Variants in ATP13A3 observed in about 807,000 individuals in gnomAD.
The protein encoded by ATP13A3 is polyamine-transporting ATPase 13A3.
Under a neutral mutation model 158.1 loss-of-function variants are expected in ATP13A3, and 59 were observed. That is an observed-to-expected ratio of 0.37 (90% CI 0.30 to 0.46). The LOEUF (loss-of-function observed/expected upper bound fraction) is 0.46. Among genes scored for constraint, ATP13A3 ranks in the 20% least tolerant of loss-of-function variants. The pLI is 1.00. For missense variants in ATP13A3, 1,166 were observed against 1,525.2 expected, an observed-to-expected ratio of 0.76 and a Z score of 3.92; for synonymous variants, 491 against 504.3, an observed-to-expected ratio of 0.97 and a Z score of 0.35.
chr3:194,411,263 C>T (rs532805616), intron 33 of ATP13A3, among the ~76,000 whole-genome samples: 91 of 152,024 alleles, frequency 6.0e-4, no homozygotes, highest in Non-Finnish European at 1.1e-3. Flanking sequence ...AGTGGGTAAC[C>T]CAACTCAAAA....
At chr3:194,437,662 A>C in intron 17 of ATP13A3, 89 bp from the exon 18 acceptor site, 2 of 1,292,404 alleles carry the variant, frequency 1.5e-6, no homozygotes, top group Non-Finnish European at 2.1e-6. Flanking sequence ...CATCCACAAA[A>C]CATTATTTGG....
chr3:194,462,285 T>TAG, intron 2 of ATP13A3, 49 bp from the exon 3 acceptor site: 1 of 1,239,622 alleles, frequency 8.1e-7, no homozygotes, highest in Non-Finnish European at 1.2e-6. Flanking sequence ...TCTATCTTAG[T>TAG]AGACGATACA....
chr3:194,439,882 T>C (rs1717921490), intron 16 of ATP13A3, among the ~76,000 whole-genome samples: 2 of 152,298 alleles, frequency 1.3e-5, no homozygotes, highest in South Asian at 4.2e-4. Context: ...ATCTATTCAG[T>C]TGGAGAAAAG....
In ATP13A3 at chr3:194,419,873, T is replaced by A; in HGVS notation, c.3402+6A>T. ...TCCCCAAACAAATGATGTGCTTAAG[T>A]CTTACCTGAAGAACCTGGTCAACAG... On this transcript the variant is annotated splice_donor_region_variant and intron_variant, in intron 31 of 33. Transcript: ENST00000645319. 1 of 1,562,512 alleles carries A rather than the reference T, an allele frequency of 6.4e-7. No homozygotes were observed. Among genetic ancestry groups the A allele is most frequent in the Non-Finnish European group, 8.6e-7 (1 of 1,165,874 alleles).
Position 194,494,316 on chromosome 3 carries a change from A to G in ATP13A3, n.516-36T>C. The G allele has an allele frequency of 2.5e-6, 1 of 398,474 alleles. No individual in the cohort carries two copies. The allele number at this position is 398,474 out of a possible 1,614,324, so 24.7% of individuals were successfully genotyped here. On this transcript the variant is annotated intron_variant and non_coding_transcript_variant, in intron 1 of 32. Transcript: ENST00000687055. The surrounding 1 kb of genome is among the most constrained non-coding windows in gnomAD (Gnocchi z 4.2). ...GGAGAACAAGTTAACATTGATTTTC[A>G]CAACCACGATGTCAGACTAGCAATG... is the stretch of plus-strand genomic sequence containing the variant.
At chr3:194,425,283 T>C in intron 30 of ATP13A3, 59 bp downstream of exon 30, 1 of 1,431,256 alleles carries the variant, frequency 7.0e-7, no homozygotes, top group Admixed American at 1.9e-5. Flanking sequence ...AATTATTCTC[T>C]TCTACATTAG....
At chr3:194,439,001 CA>C (rs1230243558) in intron 16 of ATP13A3, 29 bp from the exon 17 acceptor site, 2 of 1,397,296 alleles carry the variant, frequency 1.4e-6, no homozygotes, top group Non-Finnish European at 2.0e-6. Flanking sequence ...CAAAAAAAAA[CA>C]AAAACACAAC....
At chr3:194,436,797 G>A (rs969440936) in intron 20 of ATP13A3, among the ~76,000 whole-genome samples, 7 of 152,204 alleles carry the variant, frequency 4.6e-5, no homozygotes, top group African/African-American at 9.6e-5. Flanking sequence ...GCAGTGACCC[G>A]AGACTTGCGC....
In ATP13A3 at chr3:194,433,796, T is replaced by G. The variant is rs760702960; in HGVS notation, c.2221A>C (p.Asn741His). Residue 741 changes from asparagine to histidine, a missense_variant, in exon 21 of 34, where the codon AAC becomes CAC. By Grantham distance (68) the Asn-to-His change is moderately conservative (BLOSUM62 1). Coordinates refer to ENST00000645319, the MANE Select transcript of ATP13A3 (RefSeq NM_001367549.1). ...CCTGTGACCATGACGGTGCGAATGTTGGCTTTATGCAAATCTTCAAGTACT... is the reference window on the plus strand; with the variant it reads ...CCTGTGACCATGACGGTGCGAATGTGGGCTTTATGCAAATCTTCAAGTACT... ...PAVLEDLHKANIRTVMVTGDS... is the reference protein window; with the variant it reads ...PAVLEDLHKAHIRTVMVTGDS... The G allele has an allele frequency of 6.2e-7, 1 of 1,614,034 alleles. No individual in the cohort carries two copies. Among genetic ancestry groups the G allele is most frequent in the Non-Finnish European group, 8.5e-7 (1 of 1,180,014 alleles).
intron 33 of ATP13A3, among the ~76,000 whole-genome samples, chr3:194,409,847 T>G (rs1715227491): frequency 6.6e-6 from 1 of 151,724 alleles, no homozygotes; most frequent in African/African-American, 2.4e-5. Flanking sequence ...GGTAATATGA[T>G]TAACTAAAGA....
chr3:194,437,036 T>G lies in ATP13A3; in HGVS notation c.2120+59A>C, dbSNP rs959253073. 3 of 1,555,846 alleles carry G rather than the reference T, an allele frequency of 1.9e-6. No individual in the cohort carries two copies. The African/African-American group carries it at 4.1e-5, about 21-fold the overall frequency. ...TCAATTACATGCAAATTACTGTGCATGACTAATATAACCATAAATGATGAT... is the reference window on the plus strand; with the variant it reads ...TCAATTACATGCAAATTACTGTGCAGGACTAATATAACCATAAATGATGAT... On this transcript the variant is annotated intron_variant, in intron 20 of 33. Transcript: ENST00000645319.
At chr3:194,408,593 C>A (rs1362050227) in intron 33 of ATP13A3, among the ~76,000 whole-genome samples, 1 of 152,114 alleles carries the variant, frequency 6.6e-6, no homozygotes, top group Non-Finnish European at 1.5e-5. Context: ...GAATAGGATT[C>A]TTTTTATGCA....
intron 2 of ATP13A3, among the ~76,000 whole-genome samples, chr3:194,493,159 AT>A (rs1349374287): frequency 1.3e-5 from 2 of 150,366 alleles, no homozygotes; most frequent in Non-Finnish European, 3.0e-5. Context: ...AAAATCCCCC[AT>A]CCCCACCCAA....
chr3:194,494,111 T>G lies in ATP13A3; in HGVS notation n.685A>C, dbSNP rs1721177982. The G allele has an allele frequency of 2.5e-6, 1 of 398,574 alleles. No individual in the cohort carries two copies. The highest frequency in any genetic ancestry group is 4.4e-6 in the Non-Finnish European group (1 of 226,066). The allele number at this position is 398,574 out of a possible 1,614,324, so 24.7% of individuals were successfully genotyped here. On this transcript the variant is annotated non_coding_transcript_exon_variant, in exon 2 of 33. Coordinates refer to the ATP13A3 transcript ENST00000687055. The surrounding 1 kb of genome is among the most constrained non-coding windows in gnomAD (Gnocchi z 4.2). ...GCTCCAGGGCCAAACTCTTGACCAC[T>G]ATAACCAAATGAAGCCAGAGTGATT...
chr3:194,486,533 C>T (rs553363593), intron 1 of ATP13A3, 33 bp downstream of exon 1: 91 of 152,464 alleles, frequency 6.0e-4, no homozygotes, highest in South Asian at 5.5e-3. Flanking sequence ...CCTCCCCCGG[C>T]GCCGCTGCCC....
chr3:194,493,386 C>T (rs1030816093), intron 2 of ATP13A3, among the ~76,000 whole-genome samples: 2 of 152,200 alleles, frequency 1.3e-5, no homozygotes, highest in Admixed American at 1.3e-4. Flanking sequence ...ACGGCTCACC[C>T]CTGTAATCCC....
intron 33 of ATP13A3, among the ~76,000 whole-genome samples, chr3:194,408,154 G>A (rs920433332): frequency 4.6e-5 from 7 of 151,926 alleles, no homozygotes; most frequent in African/African-American, 1.5e-4. Context: ...CAAGTAGCTG[G>A]GACTACAGGC....
chr3:194,455,821 A>G, intron 8 of ATP13A3, 72 bp downstream of exon 8: 1 of 968,578 alleles, frequency 1.0e-6, no homozygotes, highest in South Asian at 1.6e-5. Flanking sequence ...AGAATATTTT[A>G]ATCACAACTC....
chr3:194,430,048 G>C (rs1187005438), intron 26 of ATP13A3, 24 bp downstream of exon 26: 1 of 1,573,684 alleles, frequency 6.4e-7, no homozygotes, highest in East Asian at 2.2e-5. Flanking sequence ...AAAAAGGGAT[G>C]AGAAAAATTT....
Sources: allele counts gnomAD v4.1 joint callset (sites outside exome capture counted in the v4.1 genomes callset), GRCh38; gene constraint gnomAD v4.1.1; non-coding constraint Gnocchi (gnomAD v3.1); transcripts MANE v1.5; gene names NCBI Gene and HGNC (gene_info 2026-07-23, HGNC 2026-07-21).